The following ZFYVE16 variants were observed in gnomAD, a reference collection of about 807,000 sequenced individuals.
ZFYVE16 encodes the protein zinc finger FYVE-type containing 16.
ZFYVE16 carries 89 observed loss-of-function variants against 138.1 expected under a neutral mutation model. The observed-to-expected ratio is 0.64, with a 90% CI of 0.54 to 0.77. The LOEUF is 0.77. Ranked by LOEUF, ZFYVE16 falls within the 30% of genes least tolerant of loss-of-function variation. The pLI is 0.00. For synonymous variants in ZFYVE16, 596 were observed against 618.3 expected, an observed-to-expected ratio of 0.96 and a Z score of 0.53; for missense variants, 1,793 against 1,786.7, an observed-to-expected ratio of 1.00 and a Z score of -0.06.
chr5:80,417,486 A>G (rs1000308889), intron 1 of ZFYVE16, among the ~76,000 whole-genome samples: 4 of 152,182 alleles, frequency 2.6e-5, no homozygotes, highest in South Asian at 4.1e-4. Flanking sequence ...TGTGCTTCAC[A>G]TATCCAACTC....
rs187316412 is a variant in ZFYVE16, at chr5:80,465,343, A to C, written c.4024+5849A>C. Among the ~76,000 whole-genome samples the C allele has an allele frequency of 3.0e-3, 441 of 147,140 alleles. 3 individuals carry two copies. The highest frequency in any genetic ancestry group is 4.4e-3 in the Non-Finnish European group (295 of 66,940). Reference sequence around the variant, plus strand: ...ACAATATTTTTCATTTAGCACTTTGAATATGTCATTCCACTGTCTTCTGGC... The same window carrying C: ...ACAATATTTTTCATTTAGCACTTTGCATATGTCATTCCACTGTCTTCTGGC... On this transcript the variant is annotated intron_variant, in intron 15 of 18. Coordinates refer to ENST00000505560, the MANE Select transcript of ZFYVE16 (RefSeq NM_001284236.3).
intron 16 of ZFYVE16, among the ~76,000 whole-genome samples, chr5:80,473,211 A>G (rs567569733): frequency 6.6e-6 from 1 of 152,270 alleles, no homozygotes; most frequent in African/African-American, 2.4e-5. Flanking sequence ...AAGGCAAGAC[A>G]CTTTTTCTTT....
In ZFYVE16 at chr5:80,429,099, A is replaced by C. The variant is rs187552464; in HGVS notation, c.-40+1554A>C. On this transcript the variant is annotated intron_variant, in intron 2 of 18. Coordinates refer to ENST00000505560, the MANE Select transcript of ZFYVE16 (RefSeq NM_001284236.3). ...GGCCAACATTCAAATTCAGGAATAC[A>C]GAGAATGCCACAAAGATACTCCTCG... 6.2e-3 allele frequency among the ~76,000 whole-genome samples: 941 copies of C among 152,342 alleles called. 10 individuals carry two copies. Among genetic ancestry groups the C allele is most frequent in the African/African-American group, 0.021 (869 of 41,568 alleles).
At position 80,442,448 on chromosome 5, in the gene ZFYVE16, A is replaced by T. The variant is rs73767783; in HGVS notation, c.2420-675A>T. Reference sequence around the variant, plus strand: ...TATAATGTGATCAGAGTAAGGCTTTATGGTAATATGACATGTGAGCAGAGT... The same window carrying T: ...TATAATGTGATCAGAGTAAGGCTTTTTGGTAATATGACATGTGAGCAGAGT... On this transcript the variant is annotated intron_variant, in intron 5 of 18. Transcript: ENST00000505560. 6.6e-3 allele frequency among the ~76,000 whole-genome samples: 999 copies of T among 152,290 alleles called. 13 individuals carry two copies. The highest frequency in any genetic ancestry group is 0.023 in the African/African-American group (972 of 41,562).
intron 15 of ZFYVE16, among the ~76,000 whole-genome samples, chr5:80,461,036 T>C (rs1465675329): frequency 6.6e-6 from 1 of 152,190 alleles, no homozygotes; most frequent in Non-Finnish European, 1.5e-5. Flanking sequence ...TTTAGAAACA[T>C]AACCACAAAA....
Position 80,438,658 on chromosome 5 carries a change from G to T in ZFYVE16, c.1973G>T (p.Arg658Ile). The T allele has an allele frequency of 6.2e-7, 1 of 1,614,044 alleles. No individual in the cohort carries two copies. The highest frequency in any genetic ancestry group is 8.5e-7 in the Non-Finnish European group (1 of 1,179,966). Residue 658 changes from arginine (R) to isoleucine (I), a missense_variant, in exon 4 of 19, where the codon AGA (arginine) becomes ATA (isoleucine). Around this residue, in one of 2 missense-constraint regions of ZFYVE16, gnomAD observed 1,295 missense variants for 1,204.3 expected, o/e 1.08. Transcript: ENST00000505560. ...RPKQLFSLPSRTRSSKDLNKP... is the reference protein window; with the variant it reads ...RPKQLFSLPSITRSSKDLNKP... Reference sequence around the variant, plus strand: ...AAGCAATTGTTTAGCCTTCCATCAAGAACAAGGAGTTCAAAGGACCTGAAT... The same window carrying T: ...AAGCAATTGTTTAGCCTTCCATCAATAACAAGGAGTTCAAAGGACCTGAAT...
intron 7 of ZFYVE16, among the ~76,000 whole-genome samples, chr5:80,447,368 T>C (rs564608778): frequency 1.2e-4 from 18 of 152,028 alleles, no homozygotes; most frequent in Admixed American, 2.6e-4. Flanking sequence ...CAAGAGTTCA[T>C]GAGCTAGACT....
At chr5:80,441,768 A>G (rs1249452324) in intron 5 of ZFYVE16, 2 of 985,302 alleles carry the variant, frequency 2.0e-6, no homozygotes, top group African/African-American at 1.7e-5. Context: ...CACTTGGTTA[A>G]TGGAAGCCAT....
At chr5:80,451,765 G>C in intron 11 of ZFYVE16, 56 bp downstream of exon 11, 2 of 1,437,798 alleles carry the variant, frequency 1.4e-6, no homozygotes, top group Non-Finnish European at 1.9e-6. Context: ...TGAATGTAAA[G>C]ACTTTCAGGG....
At chr5:80,473,277 C>G (rs982705664) in intron 16 of ZFYVE16, among the ~76,000 whole-genome samples, 2 of 152,250 alleles carry the variant, frequency 1.3e-5, no homozygotes, top group Middle Eastern at 3.4e-3. Context: ...ATGATATATA[C>G]TGTATTATTT....
intron 1 of ZFYVE16, among the ~76,000 whole-genome samples, chr5:80,408,555 A>T (rs1744960262): frequency 3.3e-5 from 5 of 152,214 alleles, no homozygotes; most frequent in Admixed American, 3.3e-4. Context: ...GTGGTTCTTC[A>T]GGAGTGGCAG....
intron 15 of ZFYVE16, among the ~76,000 whole-genome samples, chr5:80,459,996 G>A (rs1182207401): frequency 6.6e-6 from 1 of 152,082 alleles, no homozygotes; most frequent in African/African-American, 2.4e-5. Context: ...TAGAGTTTCT[G>A]TAAAATATAT....
rs1027060286 is a variant in ZFYVE16 at position 80,434,045 on chromosome 5, G to A, written c.-39-64G>A. On this transcript the variant is annotated intron_variant, in intron 2 of 18. Transcript: ENST00000505560. ...TTTCTTGACTGTGTTTCCTGGCATGGAATACATGGCATAAAATTTGTTATG... is the reference window on the plus strand; with the variant it reads ...TTTCTTGACTGTGTTTCCTGGCATGAAATACATGGCATAAAATTTGTTATG... The A allele has an allele frequency of 2.8e-6, 3 of 1,080,800 alleles. No individual in the cohort carries two copies. The African/African-American group carries it at 4.8e-5, about 17-fold the overall frequency. 67.0% of individuals were successfully genotyped at this position (1,080,800 alleles called of 1,614,324 possible).
At chr5:80,426,242 CTGTGTGTGTG>C (rs869080902) in intron 1 of ZFYVE16, among the ~76,000 whole-genome samples, 68 of 125,334 alleles carry the variant, frequency 5.4e-4, no homozygotes, top group African/African-American at 2.1e-3. Context: ...GTGTGTGTGT[CTGTGTGTGTG>C]TGTGTGTGTG....
At chr5:80,426,443 C>T (rs1050073706) in intron 1 of ZFYVE16, among the ~76,000 whole-genome samples, 1 of 151,660 alleles carries the variant, frequency 6.6e-6, no homozygotes. Context: ...TCTCCCCTCA[C>T]CACCACCCCC....
At chr5:80,450,358 G>A in intron 9 of ZFYVE16, 73 bp from the exon 10 acceptor site, 4 of 1,453,690 alleles carry the variant, frequency 2.8e-6, no homozygotes, top group Non-Finnish European at 3.8e-6. Flanking sequence ...TATGTTAAAT[G>A]CAAAAACAAT....
At chr5:80,460,768 G>A (rs189244350) in intron 15 of ZFYVE16, among the ~76,000 whole-genome samples, 63 of 152,154 alleles carry the variant, frequency 4.1e-4, no homozygotes, top group African/African-American at 9.6e-4. Context: ...TAGTCAGTTT[G>A]CTTAACTCTG....
At chr5:80,443,060 T>G in intron 5 of ZFYVE16, 63 bp from the exon 6 acceptor site, 1 of 1,394,928 alleles carries the variant, frequency 7.2e-7, no homozygotes, top group Non-Finnish European at 9.5e-7. Flanking sequence ...TTTATTGTAA[T>G]TTACTTTGAA....
chr5:80,456,551 A>G lies in ZFYVE16; in HGVS notation c.3781A>G (p.Lys1261Glu). ...MGKSCIKIPRKKYSDVMKVLN... is the reference protein window; with the variant it reads ...MGKSCIKIPREKYSDVMKVLN... ...AAAAAGCTGCATAAAAATACCACGG[A>G]AAAAGTACAGTGATGTAAGTATAAT... Residue 1261 changes from lysine (K) to glutamate (E), a missense_variant, in exon 13 of 19, where the codon AAA becomes GAA. By Grantham distance (56) the Lys-to-Glu change is moderately conservative. Coordinates refer to ENST00000505560, the MANE Select transcript of ZFYVE16 (RefSeq NM_001284236.3). 1 of 1,610,022 alleles carries G rather than the reference A, an allele frequency of 6.2e-7. No homozygotes were observed. The highest frequency in any genetic ancestry group is 2.2e-5 in the East Asian group (1 of 44,700).
Sources: gnomAD v4.1 joint callset for allele counts (sites outside exome capture counted in the v4.1 genomes callset) on GRCh38, gnomAD v4.1.1 for gene constraint, gnomAD v4.1.1 regional missense constraint, MANE v1.5 for transcripts, NCBI Gene and HGNC (gene_info 2026-07-23, HGNC 2026-07-21) for gene names.